Variants in CDK14 observed in about 807,000 individuals in gnomAD.
CDK14 encodes cyclin-dependent kinase 14.
Under a neutral mutation model 60.7 loss-of-function variants are expected in CDK14, and 34 were observed. The observed-to-expected ratio is 0.56, with a 90% CI of 0.43 to 0.75. CDK14 has a LOEUF of 0.75. CDK14 is among the 30% of genes least tolerant of loss of function. The pLI, the probability that CDK14 is intolerant of heterozygous loss-of-function variation, is 0.00. For synonymous variants in CDK14, 197 were observed against 203.7 expected, an observed-to-expected ratio of 0.97 and a Z score of 0.28; for missense variants, 482 against 564.1, an observed-to-expected ratio of 0.85 and a Z score of 1.47.
intron 6 of CDK14, among the ~76,000 whole-genome samples, chr7:90,882,262 C>CAAAAAAAAA (rs142619671): frequency 3.4e-5 from 4 of 116,634 alleles, no homozygotes; most frequent in African/African-American, 9.9e-5. Context: ...AAATGGAAAG[C>CAAAAAAAAA]AAAAAAAAAA....
At chr7:91,075,964 A>C (rs112150221) in intron 11 of CDK14, among the ~76,000 whole-genome samples, 11,687 of 152,170 alleles carry the variant, frequency 0.077, 670 homozygotes, top group African/African-American at 0.16. Context: ...CAAGAAAATA[A>C]GAGAGGACAC....
chr7:91,016,228 A>G (rs1796299483), intron 10 of CDK14, among the ~76,000 whole-genome samples: 1 of 152,278 alleles, frequency 6.6e-6, no homozygotes, highest in African/African-American at 2.4e-5. Flanking sequence ...GAATATTTGA[A>G]AACCAATGTG....
rs575648357 is a variant in CDK14, at chr7:90,832,122, A to G, written c.545-31053A>G. ...CCTCCATACATCCTACCCTAGTTCC[A>G]GTCACTCTATGGCCTCTTCACTGGC... On this transcript the variant is annotated intron_variant, in intron 5 of 14. Transcript: ENST00000380050. Among the ~76,000 whole-genome samples the G allele has an allele frequency of 1.5e-4, 23 of 152,248 alleles. No individual in the cohort carries two copies. The East Asian group carries it at 1.9e-3, about 13-fold the overall frequency.
intron 8 of CDK14, 36 bp from the exon 9 acceptor site, chr7:90,955,661 C>A: frequency 6.2e-7 from 1 of 1,609,578 alleles, no homozygotes; most frequent in Non-Finnish European, 8.5e-7. Context: ...TTTGCTAATG[C>A]CTGTTAAACT....
chr7:91,033,698 G>A (rs1796830285), intron 10 of CDK14, among the ~76,000 whole-genome samples: 1 of 152,160 alleles, frequency 6.6e-6, no homozygotes, highest in African/African-American at 2.4e-5. Context: ...CAGTCAGGCT[G>A]GTTCTGCTGC....
At chr7:90,774,998 G>A (rs1336810789) in intron 4 of CDK14, among the ~76,000 whole-genome samples, 1 of 152,200 alleles carries the variant, frequency 6.6e-6, no homozygotes, top group African/African-American at 2.4e-5. Flanking sequence ...AATCAGTGAT[G>A]TGATTTTTTT....
At chr7:90,997,128 C>T (rs1405919663) in intron 10 of CDK14, among the ~76,000 whole-genome samples, 1 of 152,196 alleles carries the variant, frequency 6.6e-6, no homozygotes, top group Non-Finnish European at 1.5e-5. Context: ...TCCTCCTGGA[C>T]CTCTTGGTCT....
intron 9 of CDK14, among the ~76,000 whole-genome samples, chr7:90,956,611 GTATT>G (rs1481385165): frequency 2.0e-5 from 3 of 151,868 alleles, no homozygotes; most frequent in African/African-American, 7.3e-5. Flanking sequence ...TTATTTTTAT[GTATT>G]TATTTATTAT....
At chr7:91,020,979 A>G (rs1303329297) in intron 10 of CDK14, among the ~76,000 whole-genome samples, 1 of 152,156 alleles carries the variant, frequency 6.6e-6, no homozygotes, top group Non-Finnish European at 1.5e-5. Flanking sequence ...ACTGTCAGCT[A>G]CAGGCTGTTC....
At chr7:91,100,885 C>T (rs537113675) in intron 12 of CDK14, among the ~76,000 whole-genome samples, 4 of 152,312 alleles carry the variant, frequency 2.6e-5, no homozygotes, top group Admixed American at 2.6e-4. Flanking sequence ...ATTTCAGATC[C>T]TGCTGAGGGC....
At chr7:91,163,914 A>G (rs1167913587) in intron 14 of CDK14, among the ~76,000 whole-genome samples, 1 of 152,196 alleles carries the variant, frequency 6.6e-6, no homozygotes, top group Non-Finnish European at 1.5e-5. Flanking sequence ...ATAGGTAGGC[A>G]ATTGATTAAG....
intron 5 of CDK14, among the ~76,000 whole-genome samples, chr7:90,829,353 A>T (rs1306908118): frequency 6.6e-6 from 1 of 152,150 alleles, no homozygotes; most frequent in African/African-American, 2.4e-5. Flanking sequence ...CCAAAGTCCC[A>T]TCTGACACAA....
intron 14 of CDK14, among the ~76,000 whole-genome samples, chr7:91,163,335 T>TAGA (rs953325341): frequency 2.0e-5 from 3 of 152,224 alleles, no homozygotes; most frequent in African/African-American, 7.2e-5. Context: ...CTAGGTCCTT[T>TAGA]AGAATCCAGC....
At chr7:90,926,857 G>A (rs1793431586) in intron 8 of CDK14, among the ~76,000 whole-genome samples, 1 of 152,150 alleles carries the variant, frequency 6.6e-6, no homozygotes, top group African/African-American at 2.4e-5. Context: ...TACAAATTGG[G>A]CATTCCCACG....
chr7:90,699,250 A>T, intron 2 of CDK14, among the ~76,000 whole-genome samples: 1 of 152,222 alleles, frequency 6.6e-6, no homozygotes, highest in Non-Finnish European at 1.5e-5. Flanking sequence ...CAAGAGAACC[A>T]AGACAAGTAC....
At chr7:91,140,955 A>G (rs949741149) in intron 14 of CDK14, among the ~76,000 whole-genome samples, 1 of 152,084 alleles carries the variant, frequency 6.6e-6, no homozygotes, top group Non-Finnish European at 1.5e-5. Flanking sequence ...AGTGTAGTGT[A>G]TTGCTTGGTA....
chr7:90,905,290 T>C (rs949855986), intron 7 of CDK14, among the ~76,000 whole-genome samples: 2 of 152,100 alleles, frequency 1.3e-5, no homozygotes, highest in Admixed American at 1.3e-4. Context: ...TGTGTTTAAG[T>C]GGACTTAAAA....
intron 14 of CDK14, among the ~76,000 whole-genome samples, chr7:91,157,269 A>T (rs1801012325): frequency 6.6e-6 from 1 of 152,220 alleles, no homozygotes; most frequent in South Asian, 2.1e-4. Context: ...TTATCCATGA[A>T]GAGCAAGAGG....
chr7:90,615,636 G>A (rs932551569), intron 2 of CDK14, among the ~76,000 whole-genome samples: 1 of 152,100 alleles, frequency 6.6e-6, no homozygotes, highest in Non-Finnish European at 1.5e-5. Flanking sequence ...CAGGAATTTG[G>A]CTTATTCCAG....
Sources: gnomAD v4.1 joint callset for allele counts (sites outside exome capture counted in the v4.1 genomes callset) on GRCh38, gnomAD v4.1.1 for gene constraint, MANE v1.5 for transcripts, NCBI Gene and HGNC (gene_info 2026-07-23, HGNC 2026-07-21) for gene names.